The following STAT3 variants were observed in gnomAD, a reference collection of about 807,000 sequenced individuals.
The protein encoded by STAT3 is DNA-binding protein APRF.
STAT3 carries 7 observed loss-of-function variants against 114.3 expected under a neutral mutation model. The ratio of observed to expected loss-of-function variants is 0.06; its 90% CI spans 0.03 to 0.11. The LOEUF is 0.11. STAT3 is among the 10% of genes least tolerant of loss of function. STAT3 has a pLI of 1.00. For synonymous variants in STAT3, 331 were observed against 354.5 expected (o/e 0.93, Z 0.74); for missense variants, 364 against 960.9 (o/e 0.38, Z 8.21).
intron 1 of STAT3, among the ~76,000 whole-genome samples, chr17:42,373,378 C>T (rs575271039): frequency 6.6e-6 from 1 of 151,358 alleles, no homozygotes; most frequent in South Asian, 2.1e-4. Context: ...AGAAAGAAAA[C>T]ACGTATCTAC....
At position 42,376,574 on chromosome 17, in the gene STAT3, C is replaced by T. The variant is rs1000586070; in HGVS notation, c.-24+11705G>A. On this transcript the variant is annotated intron_variant, in intron 1 of 23. Coordinates refer to ENST00000264657, the MANE Select transcript of STAT3 (RefSeq NM_139276.3). ...AAAAAAAAAAAAAACCGGCCAGGTG[C>T]GGTGGCTCACACCTGTAATTCCAGC... Among the ~76,000 whole-genome samples, 496 of 148,924 alleles carry T rather than the reference C, an allele frequency of 3.3e-3. 2 individuals carry two copies. The highest frequency in any genetic ancestry group is 0.012 in the African/African-American group (465 of 40,416).
At chr17:42,363,824 T>G (rs2083639380) in intron 1 of STAT3, among the ~76,000 whole-genome samples, 1 of 151,994 alleles carries the variant, frequency 6.6e-6, no homozygotes, top group African/African-American at 2.4e-5. Context: ...CCCACAGACT[T>G]TGTTCCTTTT....
chr17:42,330,395 C>T (rs371975867), intron 11 of STAT3, among the ~76,000 whole-genome samples: 2 of 150,678 alleles, frequency 1.3e-5, no homozygotes, highest in South Asian at 2.1e-4. Context: ...AGATTACAGG[C>T]GTGAGCCACC....
At chr17:42,323,755 G>A in intron 17 of STAT3, 130 bp from the exon 18 acceptor site, 1 of 869,628 alleles carries the variant, frequency 1.1e-6, no homozygotes. Context: ...ATCTTTGAAG[G>A]TAGGCACTGT....
chr17:42,372,860 TAATAA>T (rs1426825284), intron 1 of STAT3, among the ~76,000 whole-genome samples: 1 of 133,872 alleles, frequency 7.5e-6, no homozygotes, highest in Non-Finnish European at 1.7e-5. Flanking sequence ...AAAATAATAA[TAATAA>T]AATAAAAATA....
intron 1 of STAT3, among the ~76,000 whole-genome samples, chr17:42,372,311 C>G (rs1475692469): frequency 6.6e-6 from 1 of 152,134 alleles, no homozygotes; most frequent in Non-Finnish European, 1.5e-5. Context: ...GATGTCTATC[C>G]TTCAGGTGAA....
At chr17:42,361,190 G>A (rs2083488632) in intron 1 of STAT3, among the ~76,000 whole-genome samples, 1 of 152,096 alleles carries the variant, frequency 6.6e-6, no homozygotes, top group South Asian at 2.1e-4. Context: ...TTCAAATTTC[G>A]AAAGCTACGG....
At chr17:42,326,226 G>A in intron 14 of STAT3, 27 bp from the exon 15 acceptor site, 2 of 1,607,942 alleles carry the variant, frequency 1.2e-6, no homozygotes, top group Non-Finnish European at 8.5e-7. Flanking sequence ...GACACTCTTA[G>A]GCCAGGTGTG....
intron 1 of STAT3, among the ~76,000 whole-genome samples, chr17:42,356,385 G>T (rs1303023107): frequency 6.6e-6 from 1 of 151,994 alleles, no homozygotes; most frequent in Non-Finnish European, 1.5e-5. Context: ...AGGCCAGGAA[G>T]TCAAGGCTGC....
chr17:42,320,760 G>C (rs909060447), intron 21 of STAT3, among the ~76,000 whole-genome samples: 5 of 148,952 alleles, frequency 3.4e-5, no homozygotes, highest in African/African-American at 1.2e-4. Flanking sequence ...CCCATCATTG[G>C]CTTTATGATT....
In STAT3 at chr17:42,315,777, A is replaced by G. The variant is rs142236792; in HGVS notation, c.2281T>C (p.Leu761=). ...GGGGAGGTAGCGCACTCCGAGGTCA[A>G]CTCCATGTCAAAGGTGAGGGACTCT... The part of the protein sequence containing the change: ...QFESLTFDME[L]TSECATSPM The change falls in exon 24 of 24, where the codon TTG becomes CTG. Residue 761 remains leucine, a synonymous_variant. Coordinates refer to ENST00000264657, the MANE Select transcript of STAT3 (RefSeq NM_139276.3). 9.7e-5 allele frequency: 156 copies of G among 1,613,932 alleles called. 1 individual carries two copies. In the African/African-American group the frequency reaches 1.7e-3, roughly 18 times the overall value.
chr17:42,322,982 G>C (rs757302547), intron 20 of STAT3, 22 bp downstream of exon 20: 9 of 1,612,940 alleles, frequency 5.6e-6, no homozygotes, highest in Admixed American at 1.7e-5. Context: ...CAGCAGGTGG[G>C]GTGGGTGGGA....
chr17:42,339,216 A>G, intron 5 of STAT3, 98 bp downstream of exon 5: 1 of 1,195,132 alleles, frequency 8.4e-7, no homozygotes, highest in Non-Finnish European at 1.2e-6. Flanking sequence ...TGATCATGCC[A>G]CTGCAGCCCA....
intron 1 of STAT3, among the ~76,000 whole-genome samples, chr17:42,361,663 C>T (rs2083515444): frequency 6.6e-6 from 1 of 152,012 alleles, no homozygotes; most frequent in Non-Finnish European, 1.5e-5. Flanking sequence ...CAGTTCTTAG[C>T]CCAGAACTAG....
At chr17:42,355,698 G>A (rs904336533) in intron 1 of STAT3, among the ~76,000 whole-genome samples, 5 of 152,158 alleles carry the variant, frequency 3.3e-5, no homozygotes, top group African/African-American at 4.8e-5. Flanking sequence ...ACTTATTACC[G>A]TAAAGATGAC....
At chr17:42,381,217 A>C (rs946759833) in intron 1 of STAT3, among the ~76,000 whole-genome samples, 1 of 152,232 alleles carries the variant, frequency 6.6e-6, no homozygotes, top group African/African-American at 2.4e-5. Flanking sequence ...CAAGTGTTTC[A>C]AAACTACAAT....
intron 20 of STAT3, 119 bp from the exon 21 acceptor site, chr17:42,322,613 C>G: frequency 9.5e-7 from 1 of 1,053,908 alleles, no homozygotes; most frequent in Non-Finnish European, 1.5e-6. Flanking sequence ...AGTGTTGAGA[C>G]CCTGAACACC....
intron 21 of STAT3, among the ~76,000 whole-genome samples, chr17:42,320,333 G>A (rs1234475768): frequency 6.6e-6 from 1 of 152,140 alleles, no homozygotes; most frequent in African/African-American, 2.4e-5. Context: ...AGGAAAAAGT[G>A]GGAGGGAAGT....
chr17:42,369,053 T>C (rs901693483), intron 1 of STAT3, among the ~76,000 whole-genome samples: 1 of 152,120 alleles, frequency 6.6e-6, no homozygotes, highest in South Asian at 2.1e-4. Flanking sequence ...TCCAGCTCCA[T>C]CCATGTTCCT....
Sources: allele counts gnomAD v4.1 joint callset (sites outside exome capture counted in the v4.1 genomes callset), GRCh38; gene constraint gnomAD v4.1.1; transcripts MANE v1.5; gene names NCBI Gene and HGNC (gene_info 2026-07-23, HGNC 2026-07-21).